MATN2: variants seen among roughly 807,000 people sequenced by gnomAD.
MATN2 encodes matrilin-2.
MATN2 carries 69 observed loss-of-function variants against 103.2 expected under a neutral mutation model. The ratio of observed to expected loss-of-function variants is 0.67; its 90% CI spans 0.55 to 0.82. The LOEUF is 0.82. Among genes scored for constraint, MATN2 ranks in the 40% least tolerant of loss-of-function variants. The pLI is 0.00. For synonymous variants in MATN2, 429 were observed against 450.2 expected, an observed-to-expected ratio of 0.95 and a Z score of 0.60; for missense variants, 1,023 against 1,211.5, an observed-to-expected ratio of 0.84 and a Z score of 2.31.
rs540305952 is a variant in MATN2, at chr8:97,956,882, A to G, written c.836-4526A>G. ...TGGAGGAGGGTATTCTTAGGACTTT[A>G]GGGCCATTCCTCCTGGGAGGCAGGG... On this transcript the variant is annotated intron_variant, in intron 4 of 18. Coordinates refer to ENST00000254898, the MANE Select transcript of MATN2 (RefSeq NM_002380.5). Among the ~76,000 whole-genome samples the G allele has an allele frequency of 3.9e-5, 6 of 152,304 alleles. No homozygotes were observed. The East Asian group carries it at 1.2e-3, about 29-fold the overall frequency.
intron 10 of MATN2, among the ~76,000 whole-genome samples, chr8:98,011,356 A>T (rs1813154388): frequency 6.6e-6 from 1 of 152,128 alleles, no homozygotes; most frequent in South Asian, 2.1e-4. Context: ...GACCACCCTC[A>T]CTCTCATGTA....
intron 1 of MATN2, among the ~76,000 whole-genome samples, chr8:97,879,384 C>T (rs184024936): frequency 9.2e-5 from 14 of 152,244 alleles, no homozygotes; most frequent in African/African-American, 3.4e-4. Flanking sequence ...TGGGCAGTGG[C>T]CAGTCAAGGA....
intron 1 of MATN2, 80 bp from the exon 2 acceptor site, chr8:97,887,995 G>C (rs1246506783): frequency 7.4e-7 from 1 of 1,351,144 alleles, no homozygotes; most frequent in East Asian, 2.6e-5. Flanking sequence ...AAAAGGCGGG[G>C]CAGCGGGCCT....
At chr8:97,990,352 C>T (rs1332656174) in intron 6 of MATN2, among the ~76,000 whole-genome samples, 2 of 151,838 alleles carry the variant, frequency 1.3e-5, no homozygotes, top group African/African-American at 4.8e-5. Flanking sequence ...ATAATCATAC[C>T]CACTAGAATG....
chr8:98,028,608 A>T (rs1262293786), intron 14 of MATN2, among the ~76,000 whole-genome samples: 5 of 151,312 alleles, frequency 3.3e-5, no homozygotes, highest in African/African-American at 1.2e-4. Flanking sequence ...TTTTTTTGAG[A>T]TGGAGGCTTG....
At chr8:97,871,762 C>T (rs560239937) in intron 1 of MATN2, among the ~76,000 whole-genome samples, 54 of 152,228 alleles carry the variant, frequency 3.5e-4, no homozygotes, top group Non-Finnish European at 6.9e-4. Flanking sequence ...CCATGTGGCT[C>T]GGCAGACAGC....
At chr8:97,905,365 A>G (rs553229219) in intron 2 of MATN2, among the ~76,000 whole-genome samples, 1 of 152,328 alleles carries the variant, frequency 6.6e-6, no homozygotes, top group East Asian at 1.9e-4. Flanking sequence ...AACTCTGTAA[A>G]TAATGAAGCA....
chr8:97,907,306 A>G (rs1819207008), intron 2 of MATN2, among the ~76,000 whole-genome samples: 1 of 106,600 alleles, frequency 9.4e-6, no homozygotes, highest in Non-Finnish European at 1.8e-5. Context: ...CAGTCATCAT[A>G]GCTCACTTTT....
chr8:97,979,098 G>A, intron 6 of MATN2, 90 bp downstream of exon 6: 1 of 1,411,704 alleles, frequency 7.1e-7, no homozygotes, highest in Admixed American at 2.3e-5. Flanking sequence ...GTATAGATTA[G>A]CAATATAATT....
chr8:98,022,374 CACACAT>C (rs1258024620), intron 13 of MATN2, among the ~76,000 whole-genome samples: 6 of 152,088 alleles, frequency 3.9e-5, no homozygotes, highest in South Asian at 2.1e-4. Context: ...CACACACACA[CACACAT>C]ACACACACCC....
At chr8:97,926,698 C>T (rs1245450024) in intron 2 of MATN2, among the ~76,000 whole-genome samples, 2 of 152,148 alleles carry the variant, frequency 1.3e-5, no homozygotes, top group African/African-American at 4.8e-5. Context: ...CATAAAATGG[C>T]AAAGATTTGG....
intron 1 of MATN2, among the ~76,000 whole-genome samples, chr8:97,875,660 G>A (rs867859334): frequency 3.5e-5 from 5 of 142,000 alleles, no homozygotes; most frequent in African/African-American, 1.3e-4. Flanking sequence ...TTTTTATTTT[G>A]CTCTCTGGAT....
At chr8:98,014,298 A>G (rs1217752422) in intron 10 of MATN2, among the ~76,000 whole-genome samples, 2 of 119,614 alleles carry the variant, frequency 1.7e-5, no homozygotes, top group Admixed American at 1.6e-4. Context: ...CGGTAGGGGG[A>G]AAAAAAAACA....
intron 7 of MATN2, 125 bp from the exon 8 acceptor site, chr8:98,003,536 G>C: frequency 9.9e-7 from 1 of 1,006,012 alleles, no homozygotes; most frequent in Non-Finnish European, 1.5e-6. Context: ...GATCCGTCCC[G>C]GCTTGCCTCA....
At chr8:97,892,173 G>T (rs1011166220) in intron 2 of MATN2, among the ~76,000 whole-genome samples, 2 of 150,606 alleles carry the variant, frequency 1.3e-5, no homozygotes, top group Non-Finnish European at 3.0e-5. Context: ...GGAGGCGGAG[G>T]TTGCAGTGAG....
At chr8:97,873,175 A>G (rs992028267) in intron 1 of MATN2, among the ~76,000 whole-genome samples, 2 of 152,222 alleles carry the variant, frequency 1.3e-5, no homozygotes, top group African/African-American at 4.8e-5. Flanking sequence ...TCTATCTGCC[A>G]GAAATATTAG....
chr8:97,904,760 A>G lies in MATN2; in HGVS notation c.142+16518A>G, dbSNP rs144540995. The stretch of plus-strand genomic sequence containing the variant: ...AGATGAGATCAGAAGCCACTCCTAG[A>G]TCACACCATTTTAATTAGAAGAGAG... On this transcript the variant is annotated intron_variant, in intron 2 of 18. Transcript: ENST00000254898. Among the ~76,000 whole-genome samples, 458 of 152,278 alleles carry G rather than the reference A, an allele frequency of 3.0e-3. 4 individuals carry two copies. Among genetic ancestry groups the G allele is most frequent in the African/African-American group, 8.6e-3 (357 of 41,552 alleles).
intron 2 of MATN2, among the ~76,000 whole-genome samples, chr8:97,921,486 T>C (rs1809805073): frequency 6.6e-6 from 1 of 152,112 alleles, no homozygotes; most frequent in South Asian, 2.1e-4. Flanking sequence ...GAGGGGAGAA[T>C]TGATTATTTC....
At chr8:98,028,073 G>A (rs544695957) in intron 14 of MATN2, among the ~76,000 whole-genome samples, 15 of 152,272 alleles carry the variant, frequency 9.9e-5, no homozygotes, top group East Asian at 5.8e-4. Flanking sequence ...GACCACAGGC[G>A]GGTATCCTCT....
Sources: gnomAD v4.1 joint callset for allele counts (sites outside exome capture counted in the v4.1 genomes callset) on GRCh38, gnomAD v4.1.1 for gene constraint, MANE v1.5 for transcripts, NCBI Gene and HGNC (gene_info 2026-07-23, HGNC 2026-07-21) for gene names.